ZSWIM5: variants seen among roughly 807,000 people sequenced by gnomAD.
ZSWIM5 encodes the protein zinc finger SWIM domain-containing protein 5.
A neutral mutation model predicts 119.6 loss-of-function variants in ZSWIM5; 55 were observed. The ratio of observed to expected loss-of-function variants is 0.46; its 90% CI spans 0.37 to 0.58. ZSWIM5 has a LOEUF of 0.58. Ranked by LOEUF, ZSWIM5 falls within the 20% of genes least tolerant of loss-of-function variation. ZSWIM5 has a pLI of 0.00. For missense variants in ZSWIM5, 1,193 were observed against 1,512.8 expected (o/e 0.79, Z 3.51); for synonymous variants, 537 against 606.9 (o/e 0.88, Z 1.69).
intron 2 of ZSWIM5, among the ~76,000 whole-genome samples, chr1:45,066,093 A>G (rs1393065012): frequency 1.5e-5 from 2 of 135,352 alleles, no homozygotes; most frequent in Admixed American, 8.8e-5. Context: ...ATACCCACCT[A>G]TGAGTGAGAA....
intron 1 of ZSWIM5, among the ~76,000 whole-genome samples, chr1:45,198,007 C>T (rs1646136192): frequency 6.6e-6 from 1 of 152,178 alleles, no homozygotes; most frequent in Non-Finnish European, 1.5e-5. Flanking sequence ...GAACATGAAG[C>T]CTGCAGCAGC....
chr1:45,113,164 A>G (rs1239922341), intron 1 of ZSWIM5, among the ~76,000 whole-genome samples: 1 of 152,194 alleles, frequency 6.6e-6, no homozygotes. Flanking sequence ...AAATATTGCT[A>G]TGATTAGTAG....
intron 1 of ZSWIM5, among the ~76,000 whole-genome samples, chr1:45,094,023 A>ATATT (rs66921356): frequency 9.3e-4 from 125 of 134,416 alleles, no homozygotes; most frequent in South Asian, 2.5e-3. Flanking sequence ...TTTTATTTTT[A>ATATT]TATTTATTTA....
intron 11 of ZSWIM5, among the ~76,000 whole-genome samples, chr1:45,024,188 TTTTC>T (rs1430461593): frequency 2.0e-5 from 2 of 99,848 alleles, no homozygotes; most frequent in East Asian, 2.8e-4. Flanking sequence ...CTTTCTTTTC[TTTTC>T]TTTTTTTTTT....
rs35391088 is a variant in ZSWIM5 at position 45,067,439 on chromosome 1, C to CAA, written c.953-7194_953-7193dup. On this transcript the variant is annotated intron_variant, in intron 2 of 13. Coordinates refer to ENST00000359600, the MANE Select transcript of ZSWIM5 (RefSeq NM_020883.2). Reference sequence around the variant, plus strand: ...TAGGTGAGAGAGTAAGACCCTGCCTCAAAAAAAAAAAAAAAGAAAGAAAGA... The same window carrying CAA: ...TAGGTGAGAGAGTAAGACCCTGCCTCAAAAAAAAAAAAAAAAAGAAAGAAAGA... Among the ~76,000 whole-genome samples, 502 of 140,732 alleles carry CAA rather than the reference C, an allele frequency of 3.6e-3. 5 individuals are homozygous for CAA. The highest frequency in any genetic ancestry group is 0.013 in the African/African-American group (471 of 37,330). 92.3% of individuals were successfully genotyped at this position (140,732 alleles called of 152,430 possible).
intron 1 of ZSWIM5, among the ~76,000 whole-genome samples, chr1:45,147,078 C>CTT (rs796772982): frequency 1.4e-5 from 2 of 142,230 alleles, no homozygotes. Flanking sequence ...GCATTATCAA[C>CTT]TTTTTTTTTT....
rs540042920 is a variant in ZSWIM5 at position 45,086,996 on chromosome 1, G to A, written c.952+885C>T. On this transcript the variant is annotated intron_variant, in intron 2 of 13. Transcript: ENST00000359600. ...CCTCCCAGGTTCAAGCAATTCTCCCGCCTCAGCCTCCAAAGTAGCTGGGAT... is the reference window on the plus strand; with the variant it reads ...CCTCCCAGGTTCAAGCAATTCTCCCACCTCAGCCTCCAAAGTAGCTGGGAT... Among the ~76,000 whole-genome samples the A allele has an allele frequency of 6.7e-5, 10 of 149,070 alleles. No homozygotes were observed. The East Asian group carries it at 1.6e-3, about 24-fold the overall frequency.
chr1:45,192,476 A>G (rs1017786826), intron 1 of ZSWIM5, among the ~76,000 whole-genome samples: 2 of 152,216 alleles, frequency 1.3e-5, no homozygotes, highest in Non-Finnish European at 2.9e-5. Context: ...TCAGGGCTAA[A>G]TAACATTTCC....
rs945295311 is a variant in ZSWIM5 at position 45,026,657 on chromosome 1, G to A, written c.2450-5869C>T. ...TCAAGATTTTTGCATTTATGCTCAT[G>A]AGTCATACTGATCTGTACTTTTCCT... On this transcript the variant is annotated intron_variant, in intron 11 of 13. Coordinates refer to ENST00000359600, the MANE Select transcript of ZSWIM5 (RefSeq NM_020883.2). 2.6e-5 allele frequency among the ~76,000 whole-genome samples: 4 copies of A among 152,226 alleles called. No individual in the cohort carries two copies. In the South Asian group the frequency reaches 6.2e-4, roughly 24 times the overall value.
chr1:45,088,332 T>C lies in ZSWIM5; in HGVS notation c.596-95A>G, dbSNP rs1379369494. ...TAAATTCATCAATTCATAAATTATG[T>C]ATTGGGTATCTCCTACACACGTACA... On this transcript the variant is annotated intron_variant, in intron 1 of 13. Transcript: ENST00000359600. This position sits in a 1 kb window ranked among gnomAD's most constrained non-coding sequence, Gnocchi z 4.2. 1.0e-5 allele frequency: 9 copies of C among 904,176 alleles called. No individual in the cohort carries two copies. In the Admixed American group the frequency reaches 1.7e-4, roughly 17 times the overall value. 56.0% of individuals were successfully genotyped at this position (904,176 alleles called of 1,614,324 possible).
intron 1 of ZSWIM5, among the ~76,000 whole-genome samples, chr1:45,139,637 A>G (rs1413497559): frequency 6.9e-6 from 1 of 145,730 alleles, no homozygotes; most frequent in Non-Finnish European, 1.5e-5. Flanking sequence ...ATATGCCACC[A>G]TGCCCAGCTA....
chr1:45,127,745 A>G (rs1231221747), intron 1 of ZSWIM5, among the ~76,000 whole-genome samples: 1 of 152,122 alleles, frequency 6.6e-6, no homozygotes, highest in African/African-American at 2.4e-5. Context: ...CTTACTGTAC[A>G]AAGCAGTGGT....
intron 1 of ZSWIM5, among the ~76,000 whole-genome samples, chr1:45,164,124 G>C (rs1205400904): frequency 6.6e-6 from 1 of 152,082 alleles, no homozygotes; most frequent in Non-Finnish European, 1.5e-5. Context: ...TGGATCTCTC[G>C]GCAGAAACTC....
rs145400651 is a variant in ZSWIM5, at chr1:45,096,091, C to T, written c.596-7854G>A. Among the ~76,000 whole-genome samples, 836 of 152,296 alleles carry T rather than the reference C, an allele frequency of 5.5e-3. 7 individuals are homozygous for T. Among genetic ancestry groups the T allele is most frequent in the African/African-American group, 0.019 (787 of 41,558 alleles). Reference sequence around the variant, plus strand: ...CTAAAATACAAAAACAAAATACATACATTGTGAAGTTATTCTACTTATCAA... The same window carrying T: ...CTAAAATACAAAAACAAAATACATATATTGTGAAGTTATTCTACTTATCAA... On this transcript the variant is annotated intron_variant, in intron 1 of 13. Coordinates refer to ENST00000359600, the MANE Select transcript of ZSWIM5 (RefSeq NM_020883.2).
intron 1 of ZSWIM5, among the ~76,000 whole-genome samples, chr1:45,138,149 A>G (rs895345563): frequency 6.6e-6 from 1 of 152,168 alleles, no homozygotes; most frequent in African/African-American, 2.4e-5. Context: ...CAACTTATAC[A>G]AGGATTTTTT....
intron 1 of ZSWIM5, among the ~76,000 whole-genome samples, chr1:45,181,847 G>A (rs943828212): frequency 1.3e-5 from 2 of 151,914 alleles, no homozygotes; most frequent in African/African-American, 2.4e-5. Flanking sequence ...CATAAGTGAA[G>A]GACAAATAAA....
Position 45,206,259 on chromosome 1 carries a change from T to G in ZSWIM5, c.92A>C (p.His31Pro). Residue 31 changes from histidine to proline, a missense_variant, in exon 1 of 14, where the codon CAT (histidine) becomes CCT (proline). This residue lies in a region of ZSWIM5 where 232 missense variants were observed against 222.9 expected (regional missense o/e 1.04). Transcript: ENST00000359600. ...TGCCCCAGGCGAACCGCGAGGGTGA[T>G]GAGCCTGCGGGCTGGGCCACGAACA... ...RQCSWPSPQA[H>P]HPRGSPGAAG... The G allele has an allele frequency of 6.3e-7, 1 of 1,584,174 alleles. No individual in the cohort carries two copies. The highest frequency in any genetic ancestry group is 8.6e-7 in the Non-Finnish European group (1 of 1,166,566).
At chr1:45,178,577 T>C (rs1645995151) in intron 1 of ZSWIM5, among the ~76,000 whole-genome samples, 1 of 152,200 alleles carries the variant, frequency 6.6e-6, no homozygotes, top group Non-Finnish European at 1.5e-5. Context: ...CTTAAATTAC[T>C]ATATATTTGA....
intron 8 of ZSWIM5, among the ~76,000 whole-genome samples, chr1:45,036,848 T>C (rs1644987998): frequency 6.6e-6 from 1 of 152,092 alleles, no homozygotes; most frequent in Non-Finnish European, 1.5e-5. Context: ...AAGGCGGGAG[T>C]GTAGTGGTGC....
Sources: gnomAD v4.1 joint callset for allele counts (sites outside exome capture counted in the v4.1 genomes callset) on GRCh38, gnomAD v4.1.1 for gene constraint, gnomAD v4.1.1 regional missense constraint, Gnocchi (gnomAD v3.1) non-coding constraint, MANE v1.5 for transcripts, NCBI Gene and HGNC (gene_info 2026-07-23, HGNC 2026-07-21) for gene names.